The following AKAP6 variants were observed in gnomAD, a reference collection of about 807,000 sequenced individuals.
AKAP6 encodes the protein A-kinase anchor protein 6.
A neutral mutation model predicts 188.5 loss-of-function variants in AKAP6; 58 were observed. The observed-to-expected ratio is 0.31, with a 90% CI of 0.25 to 0.38. AKAP6 has a LOEUF of 0.38. Ranked by LOEUF, AKAP6 falls within the 10% of genes least tolerant of loss-of-function variation. AKAP6 has a pLI of 1.00. For missense variants in AKAP6, 2,710 were observed against 2,740.0 expected (o/e 0.99, Z 0.24); for synonymous variants, 989 against 998.6 (o/e 0.99, Z 0.18).
intron 11 of AKAP6, among the ~76,000 whole-genome samples, chr14:32,758,216 G>T (rs531150524): frequency 1.3e-5 from 2 of 151,992 alleles, no homozygotes; most frequent in African/African-American, 4.8e-5. Flanking sequence ...TCCTTATTCC[G>T]AAGAGAAGAA....
At chr14:32,514,709 A>G (rs1594697399) in intron 2 of AKAP6, among the ~76,000 whole-genome samples, 2 of 152,250 alleles carry the variant, frequency 1.3e-5, no homozygotes, top group African/African-American at 4.8e-5. Flanking sequence ...ATAAAATCTT[A>G]AATGACTGTA....
Position 32,822,198 on chromosome 14 carries a change from A to G in AKAP6, c.4385A>G (p.His1462Arg). 6.2e-7 allele frequency: 1 copy of G among 1,613,878 alleles called. No individual in the cohort carries two copies. The highest frequency in any genetic ancestry group is 8.5e-7 in the Non-Finnish European group (1 of 1,179,898). Residue 1462 changes from histidine to arginine, a missense_variant, in exon 13 of 14, where the codon CAT becomes CGT. Transcript: ENST00000280979. The stretch of plus-strand genomic sequence containing the variant: ...TTGGGAGAAGAATTACAAGGAAAAC[A>G]TGATGTGTTTACATTTTATGATTAC... The part of the protein sequence containing the change: ...DCLGEELQGK[H>R]DVFTFYDYSY...
At chr14:32,764,383 C>T (rs2032638520) in intron 11 of AKAP6, among the ~76,000 whole-genome samples, 1 of 152,126 alleles carries the variant, frequency 6.6e-6, no homozygotes, top group Non-Finnish European at 1.5e-5. Context: ...AAGATTGGAC[C>T]TCTAAAAAGG....
At chr14:32,708,612 TAATC>T (rs1890911701) in intron 9 of AKAP6, among the ~76,000 whole-genome samples, 1 of 151,800 alleles carries the variant, frequency 6.6e-6, no homozygotes, top group South Asian at 2.1e-4. Context: ...TTTTAAGAAA[TAATC>T]ATATATGGCC....
At chr14:32,520,393 T>C (rs1881763247) in intron 2 of AKAP6, among the ~76,000 whole-genome samples, 2 of 152,060 alleles carry the variant, frequency 1.3e-5, no homozygotes, top group Admixed American at 1.3e-4. Flanking sequence ...CTTCAAAAAA[T>C]CAATGAATCC....
chr14:32,662,659 A>T (rs1335898173), intron 7 of AKAP6, among the ~76,000 whole-genome samples: 1 of 152,104 alleles, frequency 6.6e-6, no homozygotes, highest in African/African-American at 2.4e-5. Flanking sequence ...TTGTGATGCT[A>T]ATGTGGTGAT....
intron 9 of AKAP6, among the ~76,000 whole-genome samples, chr14:32,718,662 C>G (rs146174980): frequency 9.2e-5 from 14 of 152,112 alleles, no homozygotes; most frequent in African/African-American, 3.1e-4. Context: ...TAACTTTGTT[C>G]ATGGTTTCTG....
chr14:32,664,999 T>C (rs1594825744), intron 7 of AKAP6, among the ~76,000 whole-genome samples: 2 of 152,154 alleles, frequency 1.3e-5, no homozygotes, highest in Admixed American at 6.6e-5. Context: ...TTGAAATTCA[T>C]GTACTTGGAG....
intron 1 of AKAP6, among the ~76,000 whole-genome samples, chr14:32,401,237 T>G (rs928545733): frequency 1.3e-5 from 2 of 152,042 alleles, no homozygotes; most frequent in African/African-American, 4.8e-5. Context: ...TGTTATTTCA[T>G]TATGTGAGAT....
chr14:32,596,486 T>C (rs1242286841), intron 5 of AKAP6, among the ~76,000 whole-genome samples: 1 of 152,228 alleles, frequency 6.6e-6, no homozygotes, highest in Non-Finnish European at 1.5e-5. Context: ...TCAGTCATCA[T>C]GTTTTTCCAT....
intron 5 of AKAP6, among the ~76,000 whole-genome samples, chr14:32,584,625 C>A (rs576911047): frequency 1.3e-5 from 2 of 152,088 alleles, no homozygotes; most frequent in African/African-American, 4.8e-5. Flanking sequence ...CGTTGTAATT[C>A]TTCCCTCCTA....
At chr14:32,742,396 T>A (rs2031720731) in intron 11 of AKAP6, among the ~76,000 whole-genome samples, 1 of 151,934 alleles carries the variant, frequency 6.6e-6, no homozygotes, top group Admixed American at 6.6e-5. Flanking sequence ...TTATTTCTTT[T>A]CTTCTACTAA....
intron 7 of AKAP6, among the ~76,000 whole-genome samples, chr14:32,651,001 T>G (rs1888199660): frequency 6.6e-6 from 1 of 152,216 alleles, no homozygotes; most frequent in Non-Finnish European, 1.5e-5. Flanking sequence ...GTATCCATGA[T>G]ACCCAATTAT....
intron 2 of AKAP6, among the ~76,000 whole-genome samples, chr14:32,477,852 C>T (rs909744845): frequency 2.6e-5 from 4 of 152,194 alleles, no homozygotes; most frequent in Non-Finnish European, 5.9e-5. Flanking sequence ...CACTGTGCCT[C>T]ATTTTCTTCT....
intron 12 of AKAP6, among the ~76,000 whole-genome samples, chr14:32,794,801 A>G (rs143644865): frequency 1.4e-3 from 215 of 152,316 alleles, no homozygotes; most frequent in Non-Finnish European, 2.4e-3. Context: ...TTCAGAGCTG[A>G]ACTGAAGGAG....
intron 1 of AKAP6, among the ~76,000 whole-genome samples, chr14:32,349,332 A>G (rs1288140696): frequency 1.4e-5 from 2 of 139,410 alleles, no homozygotes; most frequent in African/African-American, 2.7e-5. Flanking sequence ...CTAAAAGATC[A>G]CAAGAGATGT....
chr14:32,335,631 TG>T (rs1178139902), intron 1 of AKAP6, among the ~76,000 whole-genome samples: 3 of 152,204 alleles, frequency 2.0e-5, no homozygotes. Context: ...GAGGTTTATT[TG>T]TCACCACCAT....
intron 2 of AKAP6, among the ~76,000 whole-genome samples, chr14:32,483,580 G>A (rs955483074): frequency 6.6e-6 from 1 of 152,078 alleles, no homozygotes; most frequent in African/African-American, 2.4e-5. Context: ...CGCCTCCCCG[G>A]TTCAAGCAAT....
chr14:32,780,146 G>GAA (rs368489978), intron 12 of AKAP6, among the ~76,000 whole-genome samples: 4 of 107,516 alleles, frequency 3.7e-5, no homozygotes, highest in African/African-American at 1.3e-4. Context: ...AAAAGAAATT[G>GAA]AAAAAAAAAA....
Sources: gnomAD v4.1 joint callset for allele counts (sites outside exome capture counted in the v4.1 genomes callset) on GRCh38, gnomAD v4.1.1 for gene constraint, MANE v1.5 for transcripts, NCBI Gene and HGNC (gene_info 2026-07-23, HGNC 2026-07-21) for gene names.